Variants in TRMT11 observed in about 807,000 individuals in gnomAD.
The protein encoded by TRMT11 is tRNA methyltransferase 11, also known as tRNA (guanine(10)-N(2))-methyltransferase TRMT11.
In TRMT11, 53 loss-of-function variants were observed where a neutral mutation model predicts 62.8. That is an observed-to-expected ratio of 0.84 (90% confidence interval 0.68 to 1.06). The LOEUF (loss-of-function observed/expected upper bound fraction) is 1.06, where lower values mean the gene tolerates loss of function less well. Among genes scored for constraint, TRMT11 ranks in the 50% least tolerant of loss-of-function variants. TRMT11 has a pLI of 0.00. For synonymous variants in TRMT11, 188 were observed against 190.3 expected, an observed-to-expected ratio of 0.99 and a Z score of 0.10; for missense variants, 556 against 553.4, an observed-to-expected ratio of 1.00 and a Z score of -0.05.
At chr6:126,018,599 A>AC (rs1340043509) in intron 11 of TRMT11, among the ~76,000 whole-genome samples, 7 of 151,694 alleles carry the variant, frequency 4.6e-5, no homozygotes, top group Non-Finnish European at 7.4e-5. Context: ...CATTTTCCTC[A>AC]CCCCCGAGAA....
chr6:126,130,096 C>T (rs768668760), intron 21 of TRMT11, among the ~76,000 whole-genome samples: 1 of 152,038 alleles, frequency 6.6e-6, no homozygotes, highest in Non-Finnish European at 1.5e-5. Flanking sequence ...TTAAGAGGTC[C>T]ATCAGTTCAG....
chr6:126,259,156 AT>A, the TRMT11 span, among the ~76,000 whole-genome samples: 16 of 152,068 alleles, frequency 1.1e-4, no homozygotes, highest in East Asian at 1.5e-3. Context: ...ACATGATCTC[AT>A]TTTTTTTATG....
chr6:126,038,770 C>A lies in TRMT11; in HGVS notation c.1326C>A (p.Phe442Leu), dbSNP rs1312611628. The stretch of plus-strand genomic sequence containing the variant: ...TGCCATACCAAGGTCATAATTCCTT[C>A]CGTGAGAAATATTTTAGTGGGGTAA... ...HFLPYQGHNSFREKYFSGVTK... is the reference protein window; with the variant it reads ...HFLPYQGHNSLREKYFSGVTK... Residue 442 changes from phenylalanine (F) to leucine (L), a missense_variant, in exon 13 of 13, where the codon TTC becomes TTA. Transcript: ENST00000334379. 2.5e-6 allele frequency: 4 copies of A among 1,605,932 alleles called. No individual in the cohort carries two copies. The highest frequency in any genetic ancestry group is 2.6e-6 in the Non-Finnish European group (3 of 1,176,336).
At chr6:126,230,470 A>G in the TRMT11 span, among the ~76,000 whole-genome samples, 2 of 152,296 alleles carry the variant, frequency 1.3e-5, no homozygotes, top group African/African-American at 4.8e-5. Flanking sequence ...AGTTCTTGGT[A>G]TCAAGTACAC....
At chr6:126,112,544 T>C (rs539213263) in intron 17 of TRMT11, among the ~76,000 whole-genome samples, 1 of 152,280 alleles carries the variant, frequency 6.6e-6, no homozygotes, top group East Asian at 1.9e-4. Context: ...CAAGATATTT[T>C]GGCTGTAGGA....
chr6:126,255,277 A>C, the TRMT11 span, among the ~76,000 whole-genome samples: 1 of 152,236 alleles, frequency 6.6e-6, no homozygotes, highest in Non-Finnish European at 1.5e-5. Flanking sequence ...TTGAAAGCAA[A>C]TATCACAGGC....
At chr6:126,095,613 A>G (rs1457123749) in intron 17 of TRMT11, among the ~76,000 whole-genome samples, 1 of 152,214 alleles carries the variant, frequency 6.6e-6, no homozygotes, top group Non-Finnish European at 1.5e-5. Flanking sequence ...ACATTCAAAT[A>G]TGAGAAATGT....
At chr6:126,235,689 G>A in the TRMT11 span, among the ~76,000 whole-genome samples, 1 of 152,178 alleles carries the variant, frequency 6.6e-6, no homozygotes, top group Non-Finnish European at 1.5e-5. Context: ...AACACACAGT[G>A]GGGCCTGTTG....
At chr6:126,202,000 T>G (rs894696139) in intron 3 of TRMT11, 1 of 152,188 alleles carries the variant, frequency 6.6e-6, no homozygotes, top group African/African-American at 2.4e-5. Flanking sequence ...TGTCTAGTCT[T>G]ACTTATTTTT....
chr6:126,146,518 A>T (rs551046432), intron 21 of TRMT11, among the ~76,000 whole-genome samples: 26 of 143,706 alleles, frequency 1.8e-4, no homozygotes, highest in South Asian at 4.4e-4. Context: ...ACTAAATGAA[A>T]TTTTTTTTTT....
chr6:126,229,650 T>G, the TRMT11 span, among the ~76,000 whole-genome samples: 1 of 152,230 alleles, frequency 6.6e-6, no homozygotes, highest in African/African-American at 2.4e-5. Flanking sequence ...TTTCTATTTT[T>G]TAAAGGCTTA....
the TRMT11 span, among the ~76,000 whole-genome samples, chr6:126,224,711 T>A: frequency 6.6e-6 from 1 of 152,142 alleles, no homozygotes; most frequent in Non-Finnish European, 1.5e-5. Context: ...AAGCACCACA[T>A]GTGTACGCTT....
At chr6:126,125,123 C>G (rs1777700793) in intron 21 of TRMT11, among the ~76,000 whole-genome samples, 1 of 152,062 alleles carries the variant, frequency 6.6e-6, no homozygotes, top group South Asian at 2.1e-4. Flanking sequence ...TTTTGAATCT[C>G]TCTCTGCAGG....
chr6:126,163,509 A>G (rs554136482), intron 21 of TRMT11, among the ~76,000 whole-genome samples: 1 of 152,070 alleles, frequency 6.6e-6, no homozygotes, highest in East Asian at 1.9e-4. Context: ...TCGGCCTGAA[A>G]TTTTCTCTTT....
In TRMT11 at chr6:126,011,286, G is replaced by C. The variant is rs1794140615; in HGVS notation, c.794G>C (p.Gly265Ala). The C allele has an allele frequency of 1.2e-6, 2 of 1,612,934 alleles. No individual in the cohort carries two copies. Among genetic ancestry groups the C allele is most frequent in the African/African-American group, 2.7e-5 (2 of 74,864 alleles). ...ACTAGGAAAAACCAGAAGTGGAGAG[G>C]ACCAGATGAAAACATTAGGGCCAAT... ...KATRKNQKWRGPDENIRANLR... is the reference protein window; with the variant it reads ...KATRKNQKWRAPDENIRANLR... The change falls in exon 9 of 13, where the codon GGA (glycine) becomes GCA (alanine). Residue 265 changes from glycine to alanine, a missense_variant. Physicochemically the swap from Gly to Ala is moderately conservative, Grantham distance 60 (BLOSUM62 0). Transcript: ENST00000334379.
intron 12 of TRMT11, among the ~76,000 whole-genome samples, chr6:126,038,500 T>C (rs148728953): frequency 1.4e-3 from 217 of 151,838 alleles, no homozygotes; most frequent in Non-Finnish European, 2.2e-3. Flanking sequence ...TGTGAGGCTT[T>C]AATGAGGTAA....
chr6:126,100,967 G>A (rs1300732248), intron 17 of TRMT11, among the ~76,000 whole-genome samples: 2 of 152,110 alleles, frequency 1.3e-5, no homozygotes, highest in African/African-American at 4.8e-5. Flanking sequence ...TCTATGCACG[G>A]TTCACAGTGG....
intron 12 of TRMT11, among the ~76,000 whole-genome samples, chr6:126,033,832 A>G (rs189229127): frequency 9.8e-5 from 15 of 152,304 alleles, no homozygotes; most frequent in Admixed American, 9.2e-4. Flanking sequence ...GGTAGTGTAC[A>G]CATGAAAGTT....
intron 21 of TRMT11, among the ~76,000 whole-genome samples, chr6:126,139,428 G>T (rs961708364): frequency 6.6e-6 from 1 of 151,996 alleles, no homozygotes; most frequent in Non-Finnish European, 1.5e-5. Flanking sequence ...GAGTGCAGTG[G>T]TGTGATCTTG....
Sources: allele counts gnomAD v4.1 joint callset (sites outside exome capture counted in the v4.1 genomes callset), GRCh38; gene constraint gnomAD v4.1.1; transcripts MANE v1.5; gene names NCBI Gene and HGNC (gene_info 2026-07-23, HGNC 2026-07-21).